SHANK2: variants seen among roughly 807,000 people sequenced by gnomAD.
SHANK2 encodes the protein SH3 and multiple ankyrin repeat domains protein 2.
A neutral mutation model predicts 133.7 loss-of-function variants in SHANK2; 43 were observed. That is an observed-to-expected ratio of 0.32 (90% CI 0.25 to 0.41). The LOEUF (loss-of-function observed/expected upper bound fraction) is 0.41. Among genes scored for constraint, SHANK2 ranks in the 10% least tolerant of loss-of-function variants. The pLI, the probability that SHANK2 is intolerant of heterozygous loss-of-function variation, is 1.00. For synonymous variants in SHANK2, 1,017 were observed against 952.8 expected, an observed-to-expected ratio of 1.07 and a Z score of -1.24; for missense variants, 1,994 against 2,235.8, an observed-to-expected ratio of 0.89 and a Z score of 2.18.
chr11:70,589,650 G>A (rs12295499), intron 17 of SHANK2, among the ~76,000 whole-genome samples: 29,226 of 152,128 alleles, frequency 0.19, 3,136 homozygotes, highest in East Asian at 0.41. Flanking sequence ...TTCCTCTGAC[G>A]GATCTCGGCA....
chr11:71,166,215 G>A (rs902039710), intron 2 of SHANK2, among the ~76,000 whole-genome samples: 2 of 152,158 alleles, frequency 1.3e-5, no homozygotes, highest in African/African-American at 4.8e-5. Context: ...ACCCTCTCAC[G>A]GATGTCCTGG....
At chr11:70,947,353 ATT>A (rs71049955) in intron 10 of SHANK2, among the ~76,000 whole-genome samples, 13 of 133,072 alleles carry the variant, frequency 9.8e-5, no homozygotes, top group African/African-American at 2.8e-4. Flanking sequence ...TGACATCTAC[ATT>A]TTTTTTTTTT....
At chr11:70,585,088 C>T (rs1427560192) in intron 17 of SHANK2, among the ~76,000 whole-genome samples, 1 of 152,240 alleles carries the variant, frequency 6.6e-6, no homozygotes, top group Non-Finnish European at 1.5e-5. Flanking sequence ...TACCGCCTCG[C>T]AGCCCCTCTG....
intron 3 of SHANK2, among the ~76,000 whole-genome samples, chr11:71,135,820 G>A (rs1952428232): frequency 6.6e-6 from 1 of 152,116 alleles, no homozygotes; most frequent in Non-Finnish European, 1.5e-5. Context: ...CTCAGCGGTG[G>A]CCACGGTGTT....
intron 17 of SHANK2, among the ~76,000 whole-genome samples, chr11:70,601,257 G>T (rs2060493460): frequency 6.7e-6 from 1 of 150,264 alleles, no homozygotes; most frequent in African/African-American, 2.5e-5. Flanking sequence ...GTCTTGCTCT[G>T]TCACCAGGCT....
At chr11:70,775,223 C>T (rs782240571) in intron 14 of SHANK2, among the ~76,000 whole-genome samples, 25 of 152,110 alleles carry the variant, frequency 1.6e-4, no homozygotes, top group African/African-American at 4.3e-4. Context: ...TTTGAGAGGC[C>T]GAGGCAGGCG....
rs781993604 is a variant in SHANK2 at position 70,486,317 on chromosome 11, T to C, written c.3976A>G (p.Asn1326Asp). ...TTCTCGTCCTCTTCCTGCAGGGCGT[T>C]GTCCAGCTTAGTGGCGTCCACGGTG... ...VHTVDATKLD[N>D]ALQEEDEKAE... The change falls in exon 25 of 26, where the codon AAC becomes GAC. Residue 1326 changes from asparagine (N) to aspartate (D), a missense_variant. Coordinates refer to ENST00000601538, the MANE Select transcript of SHANK2 (RefSeq NM_012309.5). This position sits in a 1 kb window ranked among gnomAD's most constrained non-coding sequence, Gnocchi z 8.0. 2 of 1,613,998 alleles carry C rather than the reference T, an allele frequency of 1.2e-6. No individual in the cohort carries two copies. Among genetic ancestry groups the C allele is most frequent in the East Asian group, 2.2e-5 (1 of 44,868 alleles).
chr11:71,152,981 T>C (rs538094047), intron 2 of SHANK2, among the ~76,000 whole-genome samples: 11 of 152,352 alleles, frequency 7.2e-5, no homozygotes, highest in African/African-American at 2.2e-4. Context: ...CTTTACTGCA[T>C]GTCCCAAATA....
rs1555052039 is a variant in SHANK2 at position 70,807,021 on chromosome 11, G to A, written c.1644C>T (p.His548=). 1.4e-6 allele frequency: 1 copy of A among 717,944 alleles called. No homozygotes were observed. Among genetic ancestry groups the A allele is most frequent in the South Asian group, 1.5e-5 (1 of 67,562 alleles). The allele number at this position is 717,944 out of a possible 1,614,324, so 44.5% of individuals were successfully genotyped here. The change falls in exon 13 of 26, where the codon CAC becomes CAT. Residue 548 remains histidine, a synonymous_variant. Transcript: ENST00000601538. The surrounding 1 kb of genome is among the most constrained non-coding windows in gnomAD (Gnocchi z 4.8). The stretch of plus-strand genomic sequence containing the variant: ...ACTGACCTTTGACCCTGTCACCGCG[G>A]TGAAGGGGGATCTCGCCGTCCACTT... ...QPQVDGEIPL[H]RGDRVKVLSI...
At chr11:70,760,848 G>C (rs1167592952) in intron 14 of SHANK2, among the ~76,000 whole-genome samples, 1 of 152,248 alleles carries the variant, frequency 6.6e-6, no homozygotes, top group Non-Finnish European at 1.5e-5. Context: ...AAGGCTCCCG[G>C]GAGGAGTGAC....
At chr11:70,910,666 G>A (rs1269957786) in intron 10 of SHANK2, among the ~76,000 whole-genome samples, 1 of 152,122 alleles carries the variant, frequency 6.6e-6, no homozygotes, top group African/African-American at 2.4e-5. Context: ...AATTAGCCGG[G>A]CATGGTGGTG....
intron 11 of SHANK2, among the ~76,000 whole-genome samples, chr11:70,848,737 G>T (rs782701773): frequency 1.3e-5 from 2 of 152,186 alleles, no homozygotes; most frequent in African/African-American, 4.8e-5. Context: ...TTCAGGGTCC[G>T]AGAAGCTTGG....
At chr11:70,943,182 C>T (rs1002077184) in intron 10 of SHANK2, 1 of 437,946 alleles carries the variant, frequency 2.3e-6, no homozygotes, top group African/African-American at 2.0e-5. Context: ...GAAGATGGTG[C>T]TCAGTCACCG....
At chr11:70,875,023 T>C (rs1056983411) in intron 11 of SHANK2, among the ~76,000 whole-genome samples, 1 of 152,174 alleles carries the variant, frequency 6.6e-6, no homozygotes, top group African/African-American at 2.4e-5. Context: ...CACTAAAGGA[T>C]ACATTATAAA....
At chr11:70,730,375 A>G (rs761942963) in intron 14 of SHANK2, among the ~76,000 whole-genome samples, 9 of 151,920 alleles carry the variant, frequency 5.9e-5, no homozygotes, top group Non-Finnish European at 1.2e-4. Context: ...CTCACGCCCA[A>G]TTGTCCCCAT....
chr11:70,861,029 G>C (rs75961505), intron 11 of SHANK2, among the ~76,000 whole-genome samples: 1 of 152,200 alleles, frequency 6.6e-6, no homozygotes, highest in Non-Finnish European at 1.5e-5. Flanking sequence ...GGGGAGCAGC[G>C]CTGGCCTTTC....
chr11:70,552,850 A>G (rs782183751), intron 17 of SHANK2, among the ~76,000 whole-genome samples: 6 of 152,080 alleles, frequency 3.9e-5, no homozygotes, highest in Non-Finnish European at 7.4e-5. Context: ...TCTAGTCGTC[A>G]GCTTGGGCTG....
intron 14 of SHANK2, among the ~76,000 whole-genome samples, chr11:70,763,428 G>C (rs1484498083): frequency 6.6e-6 from 1 of 152,058 alleles, no homozygotes; most frequent in Non-Finnish European, 1.5e-5. Context: ...AGTGGATGTG[G>C]GTGAAGCATC....
intron 14 of SHANK2, among the ~76,000 whole-genome samples, chr11:70,727,963 A>C (rs1026019534): frequency 1.2e-4 from 19 of 152,228 alleles, no homozygotes; most frequent in African/African-American, 4.6e-4. Flanking sequence ...TTGTTGGCTG[A>C]CATTTTTCAG....
Sources: allele counts gnomAD v4.1 joint callset (sites outside exome capture counted in the v4.1 genomes callset), GRCh38; gene constraint gnomAD v4.1.1; non-coding constraint Gnocchi (gnomAD v3.1); transcripts MANE v1.5; gene names NCBI Gene and HGNC (gene_info 2026-07-23, HGNC 2026-07-21).